The following KIF3C variants were observed in gnomAD, a reference collection of about 807,000 sequenced individuals.
KIF3C encodes kinesin family member 3C, also known as kinesin-like protein KIF3C.
KIF3C carries 12 observed loss-of-function variants against 67.7 expected under a neutral mutation model. That is an observed-to-expected ratio of 0.18 (90% CI 0.11 to 0.29). The LOEUF is 0.29. KIF3C is among the 10% of genes least tolerant of loss of function. KIF3C has a pLI of 1.00. For synonymous variants in KIF3C, 393 were observed against 426.2 expected (o/e 0.92, Z 0.96); for missense variants, 789 against 1,059.6 (o/e 0.74, Z 3.55).
chr2:25,957,229 T>C (rs745528299), intron 1 of KIF3C, among the ~76,000 whole-genome samples: 42 of 152,094 alleles, frequency 2.8e-4, no homozygotes, highest in Non-Finnish European at 3.8e-4. Context: ...AATGAAGACA[T>C]TGAGAATGAC....
intron 5 of KIF3C, among the ~76,000 whole-genome samples, chr2:25,930,720 G>T (rs997880979): frequency 6.6e-6 from 1 of 152,018 alleles, no homozygotes; most frequent in African/African-American, 2.4e-5. Context: ...TGTATTTTTA[G>T]TAGAGACAGG....
intron 1 of KIF3C, among the ~76,000 whole-genome samples, chr2:25,970,027 G>T (rs1211756190): frequency 6.6e-6 from 1 of 152,170 alleles, no homozygotes; most frequent in Non-Finnish European, 1.5e-5. Context: ...AAGATTTGTT[G>T]ATTATACGAA....
At chr2:25,945,816 C>T (rs1663417755) in intron 5 of KIF3C, among the ~76,000 whole-genome samples, 1 of 152,018 alleles carries the variant, frequency 6.6e-6, no homozygotes, top group South Asian at 2.1e-4. Context: ...AAATTTAAAG[C>T]AAATAGTTTT....
intron 1 of KIF3C, among the ~76,000 whole-genome samples, chr2:25,968,980 C>T (rs776235008): frequency 7.9e-4 from 121 of 152,264 alleles, no homozygotes; most frequent in Non-Finnish European, 1.4e-3. Context: ...TGTGCCACCA[C>T]ACCCAGCTAA....
At position 25,955,692 on chromosome 2, in the gene KIF3C, A is replaced by G. The variant is rs920437432; in HGVS notation, c.1648-29T>C. 3.4e-5 allele frequency: 55 copies of G among 1,613,334 alleles called. 1 individual carries two copies. The East Asian group carries it at 1.2e-3, about 35-fold the overall frequency. Reference sequence around the variant, plus strand: ...GGCCAAGGACGGGCAGTGTGGCTCAAAGGAGCAGTGCATACTCGGGAGGGC... The same window carrying G: ...GGCCAAGGACGGGCAGTGTGGCTCAGAGGAGCAGTGCATACTCGGGAGGGC... On this transcript the variant is annotated intron_variant, in intron 2 of 7. Coordinates refer to ENST00000264712, the MANE Select transcript of KIF3C (RefSeq NM_002254.8). The surrounding 1 kb of genome is among the most constrained non-coding windows in gnomAD (Gnocchi z 5.0).
intron 4 of KIF3C, among the ~76,000 whole-genome samples, chr2:25,952,139 T>C (rs1453933257): frequency 1.3e-5 from 2 of 151,424 alleles, no homozygotes; most frequent in Non-Finnish European, 2.9e-5. Context: ...CTACTAAAAA[T>C]ACAAAAAAAA....
intron 1 of KIF3C, among the ~76,000 whole-genome samples, chr2:25,959,156 T>A (rs1252428011): frequency 6.6e-6 from 1 of 152,136 alleles, no homozygotes; most frequent in African/African-American, 2.4e-5. Flanking sequence ...CCACTCCACA[T>A]CTAACTGGAA....
intron 5 of KIF3C, among the ~76,000 whole-genome samples, chr2:25,939,239 A>T (rs1485176034): frequency 2.6e-5 from 4 of 152,116 alleles, no homozygotes; most frequent in Admixed American, 1.3e-4. Flanking sequence ...AAGTGCTGGG[A>T]TTACAGGTGT....
In KIF3C at chr2:25,951,856, T is replaced by C. The variant is rs888641729; in HGVS notation, c.1939A>G (p.Met647Val). The C allele has an allele frequency of 2.5e-6, 4 of 1,614,126 alleles. No homozygotes were observed. The highest frequency in any genetic ancestry group is 3.3e-5 in the Admixed American group (2 of 60,024). The stretch of plus-strand genomic sequence containing the variant: ...TCACAGTCCAGGAAAAGCCGGTTCA[T>C]GATCTTGTTCTTCTCCTCCGGCGGG... ...FIPPEEKNKI[M>V]NRLFLDCEEE... The change falls in exon 5 of 8, where the codon ATG (methionine) becomes GTG (valine). Residue 647 changes from methionine (M) to valine (V), a missense_variant. Physicochemically the swap from Met to Val is conservative, Grantham distance 21. This residue lies in a region of KIF3C where 648 missense variants were observed against 807.8 expected (regional missense o/e 0.80). Transcript: ENST00000264712.
At position 25,954,323 on chromosome 2, in the gene KIF3C, G is replaced by C. The variant is rs761421519; in HGVS notation, c.1833C>G (p.Arg611=). 1.9e-6 allele frequency: 3 copies of C among 1,614,134 alleles called. No homozygotes were observed. Among genetic ancestry groups the C allele is most frequent in the Non-Finnish European group, 1.7e-6 (2 of 1,180,016 alleles). The change falls in exon 4 of 8, where the codon CGC becomes CGG. Residue 611 remains arginine, a synonymous_variant. Transcript: ENST00000264712. ...EIQDQHDEYI[R]VRQDLEEAQN... ...GCGCCTCCTCCAGGTCCTGCCGCAC[G>C]CGGATATACTCATCATGCTGGTCCT...
chr2:25,947,813 T>C (rs1663486023), intron 5 of KIF3C, among the ~76,000 whole-genome samples: 1 of 152,218 alleles, frequency 6.6e-6, no homozygotes. Flanking sequence ...ATTCTTTCTA[T>C]GTTTATTTAA....
intron 5 of KIF3C, among the ~76,000 whole-genome samples, chr2:25,940,340 G>A (rs937211287): frequency 1.3e-5 from 2 of 152,036 alleles, no homozygotes. Context: ...GGAGGCTGAG[G>A]CGGGTGGATA....
In KIF3C at chr2:25,980,345, G is replaced by C. The variant is rs1214106688; in HGVS notation, c.1545+28C>G. ...CCGGGATCCCCTGCGGGGACATCTC[G>C]AGTGCCCAGCTCCTCTGGGGCCCTT... is the stretch of plus-strand genomic sequence containing the variant. On this transcript the variant is annotated intron_variant, in intron 1 of 7. Coordinates refer to ENST00000264712, the MANE Select transcript of KIF3C (RefSeq NM_002254.8). This position sits in a 1 kb window ranked among gnomAD's most constrained non-coding sequence, Gnocchi z 7.6. The C allele has an allele frequency of 6.4e-7, 1 of 1,573,094 alleles. No individual in the cohort carries two copies. Among genetic ancestry groups the C allele is most frequent in the Non-Finnish European group, 8.7e-7 (1 of 1,152,308 alleles).
chr2:25,953,906 G>C (rs1281865438), intron 4 of KIF3C, among the ~76,000 whole-genome samples: 4 of 150,220 alleles, frequency 2.7e-5, no homozygotes, highest in Admixed American at 6.7e-5. Flanking sequence ...GACCTCAGGT[G>C]ATCCACCTGC....
Position 25,981,101 on chromosome 2 carries a change from C to T in KIF3C, c.817G>A (p.Gly273Ser). ...GAATPSSGGG[G>S]GGGGSGGGAG... ...CCACCACCACTGCCTCCACCGCCAC[C>T]ACCGCCACCCGAGGATGGTGTGGCT... Residue 273 changes from glycine (G) to serine (S), a missense_variant, in exon 1 of 8, where the codon GGT becomes AGT. By Grantham distance (56) the Gly-to-Ser change is moderately conservative (BLOSUM62 0). Transcript: ENST00000264712. This position sits in a 1 kb window ranked among gnomAD's most constrained non-coding sequence, Gnocchi z 8.2. The T allele has an allele frequency of 6.2e-7, 1 of 1,614,242 alleles. No individual in the cohort carries two copies. The highest frequency in any genetic ancestry group is 8.5e-7 in the Non-Finnish European group (1 of 1,180,040).
At chr2:25,932,887 T>C (rs2090474068) in intron 5 of KIF3C, among the ~76,000 whole-genome samples, 1 of 149,848 alleles carries the variant, frequency 6.7e-6, no homozygotes, top group Admixed American at 6.7e-5. Flanking sequence ...ACAAAACTTA[T>C]TACAAAGCTA....
At chr2:25,943,648 A>T (rs1270010374) in intron 5 of KIF3C, among the ~76,000 whole-genome samples, 2 of 152,302 alleles carry the variant, frequency 1.3e-5, no homozygotes, top group East Asian at 3.9e-4. Context: ...GTTCGAGACC[A>T]GCCTGACCAA....
At chr2:25,954,461 G>A in intron 3 of KIF3C, 76 bp from the exon 4 acceptor site, 2 of 1,082,726 alleles carry the variant, frequency 1.8e-6, no homozygotes, top group Non-Finnish European at 2.8e-6. Flanking sequence ...TGGGCCGCAG[G>A]GCTGCAGGCT....
Position 25,981,006 on chromosome 2 carries a change from A to G in KIF3C, c.912T>C (p.Ile304=). 3 of 1,614,210 alleles carry G rather than the reference A, an allele frequency of 1.9e-6. No individual in the cohort carries two copies. Among genetic ancestry groups the G allele is most frequent in the Non-Finnish European group, 2.5e-6 (3 of 1,180,028 alleles). ...NLSLSALGNV[I]AALAGNRSTH... Reference sequence around the variant, plus strand: ...TGCTCCTGTTGCCCGCCAGGGCAGCAATCACGTTGCCCAGGGCAGATAATG... The same window carrying G: ...TGCTCCTGTTGCCCGCCAGGGCAGCGATCACGTTGCCCAGGGCAGATAATG... Residue 304 remains isoleucine (I), a synonymous_variant, in exon 1 of 8, where the codon ATT becomes ATC. Transcript: ENST00000264712. The surrounding 1 kb of genome is among the most constrained non-coding windows in gnomAD (Gnocchi z 8.2).
Sources: gnomAD v4.1 joint callset for allele counts (sites outside exome capture counted in the v4.1 genomes callset) on GRCh38, gnomAD v4.1.1 for gene constraint, gnomAD v4.1.1 regional missense constraint, Gnocchi (gnomAD v3.1) non-coding constraint, MANE v1.5 for transcripts, NCBI Gene and HGNC (gene_info 2026-07-23, HGNC 2026-07-21) for gene names.